IQSEC2: variants seen among roughly 807,000 people sequenced by gnomAD.
IQSEC2 encodes IQ motif and Sec7 domain ArfGEF 2, also known as IQ motif and SEC7 domain-containing protein 2.
In IQSEC2, 6 loss-of-function variants were observed where a neutral mutation model predicts 74.6. The observed-to-expected ratio is 0.08, with a 90% CI of 0.04 to 0.16. The LOEUF (loss-of-function observed/expected upper bound fraction) is 0.16. Ranked by LOEUF, IQSEC2 falls within the 10% of genes least tolerant of loss-of-function variation. IQSEC2 has a pLI of 1.00. For synonymous variants in IQSEC2, 494 were observed against 544.5 expected (o/e 0.91, Z 1.29); for missense variants, 734 against 1,306.2 (o/e 0.56, Z 6.75).
chrX:53,303,522 CGGGCGTGGTGGTTCACATCTGTAA>C (rs2075231568), intron 1 of IQSEC2, among the ~76,000 whole-genome samples: 1 of 111,268 alleles, frequency 9.0e-6, no homozygotes, highest in Non-Finnish European at 1.9e-5. Context: ...AAAAGTAGGC[CGGGCGTGGTGGTTCACATCTGTAA>C]TCCCAGCTCT....
chrX:53,275,518 G>A (rs1308461641), intron 2 of IQSEC2, among the ~76,000 whole-genome samples: 2 of 110,683 alleles, frequency 1.8e-5, no homozygotes, highest in Non-Finnish European at 3.8e-5. Context: ...TTCCCAAATG[G>A]GTAACCAATA....
rs1346977187 is a variant in IQSEC2 at position 53,238,312 on chromosome X, G to A, written c.3116-6C>T. The stretch of plus-strand genomic sequence containing the variant: ...CTTGATCCCAAACTGGTAATCTGTG[G>A]AGAAAGGGGAGACTGGGCACCTCTG... On this transcript the variant is annotated splice_polypyrimidine_tract_variant and splice_region_variant and intron_variant, in intron 11 of 14. Coordinates refer to ENST00000642864, the MANE Select transcript of IQSEC2 (RefSeq NM_001111125.3). The A allele has an allele frequency of 1.7e-6, 2 of 1,208,259 alleles. No individual in the cohort carries two copies. The highest frequency in any genetic ancestry group is 2.2e-6 in the Non-Finnish European group (2 of 893,842).
intron 2 of IQSEC2, among the ~76,000 whole-genome samples, chrX:53,285,454 T>C (rs2075016392): frequency 8.9e-6 from 1 of 112,525 alleles, no homozygotes; most frequent in Non-Finnish European, 1.9e-5. Flanking sequence ...ATTTTACCTC[T>C]CTAGGTTTCA....
intron 2 of IQSEC2, among the ~76,000 whole-genome samples, chrX:53,272,036 G>A (rs782640019): frequency 1.5e-4 from 17 of 110,962 alleles, no homozygotes; most frequent in South Asian, 3.9e-4. Flanking sequence ...ATAACATCCC[G>A]TTTCTTTTCC....
chrX:53,237,529 C>T (rs147420312), intron 12 of IQSEC2: 1,165 of 115,746 alleles, frequency 0.01, 18 homozygotes, highest in African/African-American at 0.036. Flanking sequence ...TGGAGGGCAT[C>T]GGGAGGAATG....
intron 2 of IQSEC2, among the ~76,000 whole-genome samples, chrX:53,270,598 G>A (rs978472406): frequency 9.0e-6 from 1 of 111,499 alleles, no homozygotes; most frequent in African/African-American, 3.3e-5. Context: ...AGCACTTATC[G>A]ACATCAGATA....
intron 1 of IQSEC2, among the ~76,000 whole-genome samples, chrX:53,314,472 T>C (rs782767152): frequency 9.0e-6 from 1 of 111,403 alleles, no homozygotes; most frequent in East Asian, 2.8e-4. Flanking sequence ...ATGTGCTCAT[T>C]GAGAGGGTCA....
intron 10 of IQSEC2, among the ~76,000 whole-genome samples, chrX:53,239,821 C>T (rs1410813410): frequency 1.8e-5 from 2 of 112,075 alleles, no homozygotes; most frequent in Non-Finnish European, 3.8e-5. Context: ...TTGTCGAGTA[C>T]TTGGGCACTC....
At chrX:53,263,842 C>T (rs1205172003) in intron 2 of IQSEC2, among the ~76,000 whole-genome samples, 1 of 112,287 alleles carries the variant, frequency 8.9e-6, no homozygotes, top group Non-Finnish European at 1.9e-5. Flanking sequence ...TTAAAGTGTC[C>T]GTCTCCCACC....
intron 2 of IQSEC2, among the ~76,000 whole-genome samples, chrX:53,258,876 A>AAAAC (rs1556865852): frequency 0.077 from 375 of 4,868 alleles, 3 homozygotes; most frequent in Middle Eastern, 0.33. Flanking sequence ...AACAAAACCC[A>AAAAC]CCACCACCAC....
intron 1 of IQSEC2, among the ~76,000 whole-genome samples, chrX:53,298,275 G>A (rs2075176270): frequency 9.3e-6 from 1 of 107,040 alleles, no homozygotes; most frequent in South Asian, 4.1e-4. Flanking sequence ...ATATTTTGCT[G>A]GAGCACATTC....
At chrX:53,254,223 G>A (rs1390120923) in intron 4 of IQSEC2, among the ~76,000 whole-genome samples, 9 of 108,924 alleles carry the variant, frequency 8.3e-5, no homozygotes, top group Non-Finnish European at 1.3e-4. Flanking sequence ...CCAGCTACTC[G>A]GGAGAGTGAG....
At chrX:53,268,390 G>A (rs2074691719) in intron 2 of IQSEC2, among the ~76,000 whole-genome samples, 1 of 111,349 alleles carries the variant, frequency 9.0e-6, no homozygotes, top group African/African-American at 3.3e-5. Flanking sequence ...ATTGTTCCAC[G>A]GACTTCCTGA....
intron 2 of IQSEC2, among the ~76,000 whole-genome samples, chrX:53,264,924 TA>T (rs373926213): frequency 0.044 from 4,216 of 96,179 alleles, 241 homozygotes; most frequent in African/African-American, 0.15. Context: ...CTGTCATGCT[TA>T]AAAAAAAAAA....
intron 2 of IQSEC2, among the ~76,000 whole-genome samples, chrX:53,270,534 C>T (rs1556868479): frequency 6.3e-5 from 7 of 111,613 alleles, no homozygotes; most frequent in African/African-American, 2.3e-4. Context: ...GAGGCCCTCC[C>T]TCTCAAAAGG....
At chrX:53,277,989 T>C (rs182723361) in intron 2 of IQSEC2, among the ~76,000 whole-genome samples, 16 of 101,445 alleles carry the variant, frequency 1.6e-4, no homozygotes, top group African/African-American at 5.4e-4. Flanking sequence ...CTTTTTTTCT[T>C]TTCTTTTCTT....
intron 6 of IQSEC2, among the ~76,000 whole-genome samples, 192 bp from the exon 7 acceptor site, chrX:53,248,428 G>A (rs781792285): frequency 7.2e-5 from 8 of 111,460 alleles, no homozygotes; most frequent in South Asian, 7.6e-4. Flanking sequence ...GGCAAGGCAC[G>A]TGGTCACTAA....
chrX:53,266,970 G>T (rs1450409241), intron 2 of IQSEC2: 1 of 1,151,722 alleles, frequency 8.7e-7, no homozygotes, highest in Non-Finnish European at 1.1e-6. Context: ...CTCAGTTACC[G>T]AGAGGAGGGA....
chrX:53,287,602 G>A (rs1210147122), intron 2 of IQSEC2, among the ~76,000 whole-genome samples: 1 of 113,097 alleles, frequency 8.8e-6, no homozygotes, highest in Non-Finnish European at 1.9e-5. Flanking sequence ...TGCCCGTAAG[G>A]CTCAGGGCAG....
Sources: gnomAD v4.1 joint callset for allele counts (sites outside exome capture counted in the v4.1 genomes callset) on GRCh38, gnomAD v4.1.1 for gene constraint, MANE v1.5 for transcripts, NCBI Gene and HGNC (gene_info 2026-07-23, HGNC 2026-07-21) for gene names.